Variants in SRCAP observed in about 807,000 individuals in gnomAD.
The protein encoded by SRCAP is Snf2 related CREBBP activator protein, also known as chromatin remodeling protein SRCAP.
Under a neutral mutation model 263.1 loss-of-function variants are expected in SRCAP, and 46 were observed. The observed-to-expected ratio is 0.17, with a 90% confidence interval of 0.14 to 0.22. The LOEUF is 0.22. SRCAP is among the 10% of genes least tolerant of loss of function. The pLI, the probability that SRCAP is intolerant of heterozygous loss-of-function variation, is 1.00. For missense variants in SRCAP, 3,695 were observed against 4,181.9 expected (o/e 0.88, Z 3.21); for synonymous variants, 1,813 against 1,662.1 (o/e 1.09, Z -2.21).
chr16:30,712,788 C>G lies in SRCAP; in HGVS notation c.2103C>G (p.Ala701=). 6.2e-7 allele frequency: 1 copy of G among 1,614,040 alleles called. No homozygotes were observed. Among genetic ancestry groups the G allele is most frequent in the Non-Finnish European group, 8.5e-7 (1 of 1,179,990 alleles). ...PSFKILTYYG[A]QKERKLKRQG... Reference sequence around the variant, plus strand: ...TTAAAATCCTCACTTACTATGGAGCCCAGAAAGAGAGGAAGCTCAAGCGGC... The same window carrying G: ...TTAAAATCCTCACTTACTATGGAGCGCAGAAAGAGAGGAAGCTCAAGCGGC... Residue 701 remains alanine (A), a synonymous_variant, in exon 14 of 34, where the codon GCC becomes GCG. Transcript: ENST00000262518.
At chr16:30,710,636 C>A in intron 8 of SRCAP, 118 bp from the exon 9 acceptor site, 1 of 1,027,216 alleles carries the variant, frequency 9.7e-7, no homozygotes, top group Non-Finnish European at 1.5e-6. Context: ...GGGATTATAC[C>A]AGTGGCAACT....
chr16:30,707,230 C>T lies in SRCAP; in HGVS notation c.354C>T (p.Phe118=). Residue 118 remains phenylalanine (F), a synonymous_variant, in exon 5 of 34, where the codon TTC becomes TTT. Transcript: ENST00000262518. ...TTGCTGAGCTGCGGAAGGAGGGTTTCTGGTCACTGAAGAGGCTGCCTAAGG... is the reference window on the plus strand; with the variant it reads ...TTGCTGAGCTGCGGAAGGAGGGTTTTTGGTCACTGAAGAGGCTGCCTAAGG... ...TRIAELRKEG[F]WSLKRLPKVP... 1 of 1,614,150 alleles carries T rather than the reference C, an allele frequency of 6.2e-7. No individual in the cohort carries two copies. Among genetic ancestry groups the T allele is most frequent in the Non-Finnish European group, 8.5e-7 (1 of 1,180,046 alleles).
Position 30,723,179 on chromosome 16 carries a change from T to G in SRCAP, c.4109T>G (p.Leu1370Arg). Residue 1370 changes from leucine to arginine, a missense_variant, in exon 24 of 34, where the codon CTG becomes CGG. Leu to Arg is a moderately radical substitution (Grantham distance 102). This residue lies in a region of SRCAP where 1,347 missense variants were observed against 1,304.4 expected (regional missense o/e 1.03). Transcript: ENST00000262518. Reference sequence around the variant, plus strand: ...CGAGCCCCCATGCCCACACCCACTCTGGTGAGGCCTCTTCTCAAGCTGGTC... The same window carrying G: ...CGAGCCCCCATGCCCACACCCACTCGGGTGAGGCCTCTTCTCAAGCTGGTC... ...TARAPMPTPT[L>R]VRPLLKLVHS... 6.2e-7 allele frequency: 1 copy of G among 1,614,082 alleles called. No individual in the cohort carries two copies. The highest frequency in any genetic ancestry group is 1.3e-5 in the African/African-American group (1 of 75,032).
chr16:30,715,293 C>T (rs1261819101), intron 16 of SRCAP, among the ~76,000 whole-genome samples: 2 of 152,132 alleles, frequency 1.3e-5, no homozygotes, highest in Non-Finnish European at 2.9e-5. Flanking sequence ...CGGCCGGGCG[C>T]GGTGGCTCAC....
chr16:30,734,992 AAC>A (rs985063320), intron 31 of SRCAP, among the ~76,000 whole-genome samples: 14 of 152,148 alleles, frequency 9.2e-5, no homozygotes, highest in Non-Finnish European at 1.5e-4. Context: ...GAGCTCTGAA[AAC>A]ACACAAATGC....
At position 30,724,966 on chromosome 16, in the gene SRCAP, C is replaced by T; in HGVS notation, c.5542C>T (p.Pro1848Ser). 6.2e-7 allele frequency: 1 copy of T among 1,614,212 alleles called. No individual in the cohort carries two copies. The highest frequency in any genetic ancestry group is 8.5e-7 in the Non-Finnish European group (1 of 1,180,046). Residue 1848 changes from proline to serine, a missense_variant, in exon 25 of 34, where the codon CCT becomes TCT. Pro to Ser is a moderately conservative substitution (Grantham distance 74). Coordinates refer to ENST00000262518, the MANE Select transcript of SRCAP (RefSeq NM_006662.3). The stretch of plus-strand genomic sequence containing the variant: ...CCGGCTGCCTGTTTCCAAGGATGAG[C>T]CTGACACACTGACATTGCGCTCTGG... ...VSRLPVSKDE[P>S]DTLTLRSGPP...
Position 30,712,175 on chromosome 16 carries a change from C to G in SRCAP, c.1815+18C>G. ...CGACCCAGGTATCCCCAGGTTCTGG[C>G]CTCTCCTTTCTCATGTCTTGACTTT... On this transcript the variant is annotated intron_variant, in intron 12 of 33. Transcript: ENST00000262518. 1.2e-6 allele frequency: 2 copies of G among 1,608,512 alleles called. No individual in the cohort carries two copies. Among genetic ancestry groups the G allele is most frequent in the Non-Finnish European group, 1.7e-6 (2 of 1,175,874 alleles).
Position 30,740,060 on chromosome 16 carries a change from C to A in SRCAP, c.*327C>A. 2 of 233,712 alleles carry A rather than the reference C, an allele frequency of 8.6e-6. No individual in the cohort carries two copies. Among genetic ancestry groups the A allele is most frequent in the East Asian group, 7.9e-5 (1 of 12,594 alleles). The allele number at this position is 233,712 out of a possible 1,614,324, so 14.5% of individuals were successfully genotyped here. ...AGGGGAAGGGGGAGGGGCTTCTCTA[C>A]AATGAGGTTTTTTTCTTTTTTTTTT... On this transcript the variant is annotated 3_prime_UTR_variant, in exon 34 of 34. Transcript: ENST00000262518.
chr16:30,720,422 T>C, intron 19 of SRCAP, 91 bp downstream of exon 19: 1 of 1,436,580 alleles, frequency 7.0e-7, no homozygotes, highest in Non-Finnish European at 9.5e-7. Flanking sequence ...AAGAGTTGGA[T>C]GCAAGGCTGG....
intron 25 of SRCAP, 112 bp downstream of exon 25, chr16:30,725,194 T>G: frequency 6.7e-7 from 1 of 1,486,382 alleles, no homozygotes; most frequent in South Asian, 1.4e-5. Flanking sequence ...AAGCTTAATG[T>G]TATGGACCAA....
intron 19 of SRCAP, 92 bp downstream of exon 19, chr16:30,720,423 G>A: frequency 7.0e-7 from 1 of 1,428,924 alleles, no homozygotes; most frequent in Non-Finnish European, 9.6e-7. Flanking sequence ...AGAGTTGGAT[G>A]CAAGGCTGGA....
chr16:30,700,340 G>A (rs571365407), intron 2 of SRCAP, among the ~76,000 whole-genome samples: 1 of 152,270 alleles, frequency 6.6e-6, no homozygotes, highest in East Asian at 1.9e-4. Context: ...CATTTAGGTC[G>A]GGAATCCTTT....
At position 30,724,232 on chromosome 16, in the gene SRCAP, C is replaced by T. The variant is rs2151294297; in HGVS notation, c.4808C>T (p.Ala1603Val). ...ACAGCAATTCTGGCTCCTTCTCCAGCTCCTCCTCTGGCTCCTCTTCCGGTC... is the reference window on the plus strand; with the variant it reads ...ACAGCAATTCTGGCTCCTTCTCCAGTTCCTCCTCTGGCTCCTCTTCCGGTC... ...PQTAILAPSP[A>V]PPLAPLPVLA... Residue 1603 changes from alanine (A) to valine (V), a missense_variant, in exon 25 of 34, where the codon GCT becomes GTT. Ala to Val is a moderately conservative substitution (Grantham distance 64). Transcript: ENST00000262518. 6.2e-7 allele frequency: 1 copy of T among 1,614,116 alleles called. No homozygotes were observed.
chr16:30,719,253 T>C (rs1334450554), intron 18 of SRCAP, among the ~76,000 whole-genome samples: 3 of 151,418 alleles, frequency 2.0e-5, no homozygotes, highest in East Asian at 3.9e-4. Context: ...TCTCACTCTG[T>C]CACCCAGGCT....
rs376896419 is a variant in SRCAP at position 30,721,296 on chromosome 16, C to T, written c.3361C>T (p.Pro1121Ser). 3.1e-6 allele frequency: 5 copies of T among 1,614,102 alleles called. No individual in the cohort carries two copies. The highest frequency in any genetic ancestry group is 4.2e-6 in the Non-Finnish European group (5 of 1,180,052). The change falls in exon 21 of 34, where the codon CCT becomes TCT. Residue 1121 changes from proline to serine, a missense_variant. By Grantham distance (74) the Pro-to-Ser change is moderately conservative (BLOSUM62 -1). This residue lies in a region of SRCAP where 1,347 missense variants were observed against 1,304.4 expected (regional missense o/e 1.03). Transcript: ENST00000262518. Reference sequence around the variant, plus strand: ...CCCAGTTCGCCTGAGCCCAGCCCCACCTCCAGGCTCCTCTAGCCTGTTGAA... The same window carrying T: ...CCCAGTTCGCCTGAGCCCAGCCCCATCTCCAGGCTCCTCTAGCCTGTTGAA... ...PAPVRLSPAP[P>S]PGSSSLLKPL...
intron 16 of SRCAP, among the ~76,000 whole-genome samples, chr16:30,715,684 T>C (rs1375365966): frequency 6.6e-6 from 1 of 152,244 alleles, no homozygotes; most frequent in East Asian, 1.9e-4. Flanking sequence ...CCTATTAGAT[T>C]TTATCTTCTG....
At position 30,738,509 on chromosome 16, in the gene SRCAP, G is replaced by A. The variant is rs747574187; in HGVS notation, c.8469G>A (p.Gln2823=). 1 of 1,610,896 alleles carries A rather than the reference G, an allele frequency of 6.2e-7. No homozygotes were observed. Among genetic ancestry groups the A allele is most frequent in the Admixed American group, 1.7e-5 (1 of 59,482 alleles). The change falls in exon 34 of 34, where the codon CAG becomes CAA. Residue 2823 remains glutamine (Q), a synonymous_variant. Coordinates refer to ENST00000262518, the MANE Select transcript of SRCAP (RefSeq NM_006662.3). The part of the protein sequence containing the change: ...PSSSLPTPPQ[Q]PFIARRHIEL... Reference sequence around the variant, plus strand: ...CCTCACTGCCCACTCCACCCCAGCAGCCCTTCATTGCTCGCCGTCACATTG... The same window carrying A: ...CCTCACTGCCCACTCCACCCCAGCAACCCTTCATTGCTCGCCGTCACATTG...
chr16:30,726,212 A>G (rs1251096578), intron 25 of SRCAP: 1 of 152,074 alleles, frequency 6.6e-6, no homozygotes, highest in Non-Finnish European at 1.5e-5. Context: ...TCAGTACTTC[A>G]TTTGTTTTTA....
Position 30,720,341 on chromosome 16 carries a change from C to T in SRCAP, c.2987+10C>T, listed in dbSNP as rs748587763. The stretch of plus-strand genomic sequence containing the variant: ...AGATGAAGGTCAACAGGTACAAGGA[C>T]TAAGGAATGAGGGGATGGTTCCTAG... On this transcript the variant is annotated intron_variant, in intron 19 of 33. Transcript: ENST00000262518. 6.2e-7 allele frequency: 1 copy of T among 1,607,308 alleles called. No individual in the cohort carries two copies. The highest frequency in any genetic ancestry group is 2.2e-5 in the East Asian group (1 of 44,624).
Sources: gnomAD v4.1 joint callset for allele counts (sites outside exome capture counted in the v4.1 genomes callset) on GRCh38, gnomAD v4.1.1 for gene constraint, gnomAD v4.1.1 regional missense constraint, MANE v1.5 for transcripts, NCBI Gene and HGNC (gene_info 2026-07-23, HGNC 2026-07-21) for gene names.